Variants in PCK1 observed in about 807,000 individuals in gnomAD.
PCK1 encodes the protein phosphoenolpyruvate carboxykinase 1.
PCK1 carries 44 observed loss-of-function variants against 50.3 expected under a neutral mutation model. That is an observed-to-expected ratio of 0.87 (90% CI 0.69 to 1.12). PCK1 has a LOEUF of 1.12. Ranked by LOEUF, PCK1 falls within the 50% of genes most tolerant of loss-of-function variation. PCK1 has a pLI of 0.00. For synonymous variants in PCK1, 332 were observed against 314.3 expected (o/e 1.06, Z -0.59); for missense variants, 790 against 815.0 (o/e 0.97, Z 0.37).
chr20:57,565,036 A>C lies in PCK1; in HGVS notation c.1319-4A>C, dbSNP rs1341389596. The C allele has an allele frequency of 1.2e-6, 2 of 1,605,602 alleles. No homozygotes were observed. The highest frequency in any genetic ancestry group is 1.7e-6 in the Non-Finnish European group (2 of 1,174,112). On this transcript the variant is annotated splice_region_variant and splice_polypyrimidine_tract_variant and intron_variant, in intron 8 of 9. Transcript: ENST00000319441. ...AACATTTCTCTTTTTTTTTCCTGCT[A>C]AAGGTGTCCCTCTAGTCTATGAAGC...
At chr20:57,562,038 G>A (rs909762218) in intron 2 of PCK1, 33 bp from the exon 3 acceptor site, 14 of 1,602,624 alleles carry the variant, frequency 8.7e-6, no homozygotes, top group Non-Finnish European at 1.1e-5. Context: ...TGCCCGTGGT[G>A]CTTGGCTGAA....
At chr20:57,562,647 C>A in intron 3 of PCK1, 49 bp from the exon 4 acceptor site, 2 of 1,509,548 alleles carry the variant, frequency 1.3e-6, no homozygotes, top group South Asian at 1.1e-5. Flanking sequence ...TGGTCGTGTT[C>A]GAAGTCCAAG....
chr20:57,563,394 A>G, intron 5 of PCK1, 171 bp from the exon 6 acceptor site: 1 of 691,758 alleles, frequency 1.4e-6, no homozygotes, highest in Non-Finnish European at 2.4e-6. Flanking sequence ...AAGGCCCCCA[A>G]ACACCAGGGG....
intron 2 of PCK1, 81 bp from the exon 3 acceptor site, chr20:57,561,990 A>T: frequency 8.8e-7 from 1 of 1,134,882 alleles, no homozygotes; most frequent in Non-Finnish European, 1.3e-6. Context: ...GCACTCTGCT[A>T]GGCATGGAAA....
intron 6 of PCK1, 47 bp downstream of exon 6, chr20:57,563,774 A>G (rs1417101762): frequency 6.8e-7 from 1 of 1,478,196 alleles, no homozygotes; most frequent in Admixed American, 2.0e-5. Flanking sequence ...ACTCAAGCGA[A>G]TCGTTGGCCT....
rs778769969 is a variant in PCK1 at position 57,564,549 on chromosome 20, T to A, written c.1254T>A (p.Ala418=). 1.9e-6 allele frequency: 3 copies of A among 1,613,786 alleles called. No homozygotes were observed. The East Asian group carries it at 6.7e-5, about 36-fold the overall frequency. The part of the protein sequence containing the change: ...TPASQCPIID[A]AWESPEGVPI... The stretch of plus-strand genomic sequence containing the variant: ...CCAGCCAGTGCCCCATCATTGATGC[T>A]GCCTGGGAGTCTCCGGAAGGTGTTC... The change falls in exon 8 of 10, where the codon GCT becomes GCA. Residue 418 remains alanine (A), a synonymous_variant. Transcript: ENST00000319441.
Position 57,565,359 on chromosome 20 carries a change from T to A in PCK1, c.1424T>A (p.Ile475Asn). 1 of 1,613,578 alleles carries A rather than the reference T, an allele frequency of 6.2e-7. No individual in the cohort carries two copies. The highest frequency in any genetic ancestry group is 8.5e-7 in the Non-Finnish European group (1 of 1,179,506). Residue 475 changes from isoleucine to asparagine, a missense_variant, in exon 10 of 10, where the codon ATC (isoleucine) becomes AAC (asparagine). Coordinates refer to ENST00000319441, the MANE Select transcript of PCK1 (RefSeq NM_002591.4). ...TAAAEHKGKI[I>N]MHDPFAMRPF... is the part of the protein sequence containing the mutation. ...CCTCTCTGTTTAACAGGCAAAATCATCATGCATGACCCCTTTGCCATGCGG... is the reference window on the plus strand; with the variant it reads ...CCTCTCTGTTTAACAGGCAAAATCAACATGCATGACCCCTTTGCCATGCGG...
chr20:57,567,096 C>T lies in PCK1; in HGVS notation c.*1292C>T, dbSNP rs950727013. 10 of 152,152 alleles carry T rather than the reference C, an allele frequency of 6.6e-5. No homozygotes were observed. The highest frequency in any genetic ancestry group is 9.7e-5 in the African/African-American group (4 of 41,412). The allele number at this position is 152,152 out of a possible 1,614,324, so 9.4% of individuals were successfully genotyped here. A position where few individuals can be genotyped will look rare whatever the true frequency, so the allele number is the denominator to read the frequency against. Reference sequence around the variant, plus strand: ...ATTGGATATTCCAGAACAGTCCAAACGAACCATAAACTTTATATCACAGAT... The same window carrying T: ...ATTGGATATTCCAGAACAGTCCAAATGAACCATAAACTTTATATCACAGAT... On this transcript the variant is annotated 3_prime_UTR_variant, in exon 10 of 10. Coordinates refer to ENST00000319441, the MANE Select transcript of PCK1 (RefSeq NM_002591.4).
At position 57,566,025 on chromosome 20, in the gene PCK1, C is replaced by T. The variant is rs1298777662; in HGVS notation, c.*221C>T. ...TGAGAAGGGAAATCTTAGCATGCCT[C>T]CAAAAATTCACATCCAATGCATAGT... is the stretch of plus-strand genomic sequence containing the variant. On this transcript the variant is annotated 3_prime_UTR_variant, in exon 10 of 10. Coordinates refer to ENST00000319441, the MANE Select transcript of PCK1 (RefSeq NM_002591.4). The T allele has an allele frequency of 4.1e-6, 2 of 490,502 alleles. No individual in the cohort carries two copies. Among genetic ancestry groups the T allele is most frequent in the African/African-American group, 3.9e-5 (2 of 51,628 alleles). 30.4% of individuals were successfully genotyped at this position (490,502 alleles called of 1,614,324 possible).
chr20:57,568,077 G>A lies in PCK1; in HGVS notation c.*2273G>A, dbSNP rs941151310. 2.0e-5 allele frequency: 3 copies of A among 152,194 alleles called. No individual in the cohort carries two copies. Among genetic ancestry groups the A allele is most frequent in the African/African-American group, 7.2e-5 (3 of 41,428 alleles). The allele number at this position is 152,194 out of a possible 1,614,324, so 9.4% of individuals were successfully genotyped here. ...CTCCAAATCCTGATTTTTGTGCGCG[G>A]ACCCCTGTCTACAATAAACAGGATC... is the stretch of plus-strand genomic sequence containing the variant. On this transcript the variant is annotated 3_prime_UTR_variant, in exon 10 of 10. Coordinates refer to ENST00000319441, the MANE Select transcript of PCK1 (RefSeq NM_002591.4).
Position 57,564,299 on chromosome 20 carries a change from C to T in PCK1, c.1092C>T (p.Ser364=), listed in dbSNP as rs185439146. 17 of 1,613,884 alleles carry T rather than the reference C, an allele frequency of 1.1e-5. No homozygotes were observed. Among genetic ancestry groups the T allele is most frequent in the Admixed American group, 5.0e-5 (3 of 60,000 alleles). The stretch of plus-strand genomic sequence containing the variant: ...TCTTTACCAATGTGGCCGAGACCAG[C>T]GACGGGGGCGTTTACTGGGAAGGCA... The part of the protein sequence containing the change: ...NTIFTNVAET[S]DGGVYWEGID... The change falls in exon 7 of 10, where the codon AGC becomes AGT. Residue 364 remains serine, a synonymous_variant. Coordinates refer to ENST00000319441, the MANE Select transcript of PCK1 (RefSeq NM_002591.4).
In PCK1 at chr20:57,565,126, G is replaced by A; in HGVS notation, c.1405G>A (p.Glu469Lys). 6.2e-7 allele frequency: 1 copy of A among 1,613,262 alleles called. No homozygotes were observed. Among genetic ancestry groups the A allele is most frequent in the Non-Finnish European group, 8.5e-7 (1 of 1,179,280 alleles). ...AMRSEATAAA[E>K]HKGKIIMHDP... Reference sequence around the variant, plus strand: ...GAGATCAGAGGCCACAGCGGCTGCAGAACATAAAGGTAAATCAAAGTCCTG... The same window carrying A: ...GAGATCAGAGGCCACAGCGGCTGCAAAACATAAAGGTAAATCAAAGTCCTG... The change falls in exon 9 of 10, where the codon GAA (glutamate) becomes AAA (lysine). Residue 469 changes from glutamate (E) to lysine (K), a missense_variant. Transcript: ENST00000319441.
In PCK1 at chr20:57,564,198, G is replaced by A. The variant is rs1396000578; in HGVS notation, c.991G>A (p.Gly331Ser). 2.5e-6 allele frequency: 4 copies of A among 1,613,914 alleles called. No individual in the cohort carries two copies. The highest frequency in any genetic ancestry group is 3.4e-6 in the Non-Finnish European group (4 of 1,179,844). Residue 331 changes from glycine (G) to serine (S), a missense_variant, in exon 7 of 10, where the codon GGC (glycine) becomes AGC (serine). Transcript: ENST00000319441. ...TTTAAGGGCCATCAACCCAGAAAATGGCTTTTTCGGTGTCGCTCCTGGGAC... is the reference window on the plus strand; with the variant it reads ...TTTAAGGGCCATCAACCCAGAAAATAGCTTTTTCGGTGTCGCTCCTGGGAC... ...GHLRAINPEN[G>S]FFGVAPGTSV...
At chr20:57,562,999 A>G in intron 4 of PCK1, 29 bp from the exon 5 acceptor site, 1 of 1,600,802 alleles carries the variant, frequency 6.2e-7, no homozygotes. Context: ...GCCCTGGCGC[A>G]CTGACTTGGG....
At chr20:57,561,671 G>A (rs755188646) in intron 2 of PCK1, 36 bp downstream of exon 2, 4 of 1,406,920 alleles carry the variant, frequency 2.8e-6, no homozygotes, top group African/African-American at 2.8e-5. Context: ...CCAGCACCCT[G>A]CAGGCAGGGC....
chr20:57,563,221 C>A lies in PCK1; in HGVS notation c.798+6C>A, dbSNP rs773909127. 1 of 1,612,584 alleles carries A rather than the reference C, an allele frequency of 6.2e-7. No homozygotes were observed. On this transcript the variant is annotated splice_donor_region_variant and intron_variant, in intron 5 of 9. Coordinates refer to ENST00000319441, the MANE Select transcript of PCK1 (RefSeq NM_002591.4). Reference sequence around the variant, plus strand: ...GGCTGGCAGAGCACATGCTGGTGAGCCTGCAGGAAGCCCTGATGTGCAGAT... The same window carrying A: ...GGCTGGCAGAGCACATGCTGGTGAGACTGCAGGAAGCCCTGATGTGCAGAT...
chr20:57,561,726 C>T (rs2146526416), intron 2 of PCK1, 91 bp downstream of exon 2: 1 of 851,098 alleles, frequency 1.2e-6, no homozygotes, highest in East Asian at 2.4e-5. Context: ...TGAATGAAGG[C>T]CTTCGGGTAG....
At chr20:57,564,802 C>T (rs1027583447) in intron 8 of PCK1, 189 bp downstream of exon 8, 3 of 633,826 alleles carry the variant, frequency 4.7e-6, no homozygotes, top group Non-Finnish European at 8.2e-6. Context: ...TCACCTGGAA[C>T]CTTTCTGAAT....
Position 57,563,227 on chromosome 20 carries a change from G to A in PCK1, c.798+12G>A. 6.2e-7 allele frequency: 1 copy of A among 1,612,356 alleles called. No homozygotes were observed. Among genetic ancestry groups the A allele is most frequent in the Non-Finnish European group, 8.5e-7 (1 of 1,179,504 alleles). ...CAGAGCACATGCTGGTGAGCCTGCAGGAAGCCCTGATGTGCAGATGAGAGG... is the reference window on the plus strand; with the variant it reads ...CAGAGCACATGCTGGTGAGCCTGCAAGAAGCCCTGATGTGCAGATGAGAGG... On this transcript the variant is annotated intron_variant, in intron 5 of 9. Transcript: ENST00000319441.
Sources: gnomAD v4.1 joint callset for allele counts on GRCh38, gnomAD v4.1.1 for gene constraint, MANE v1.5 for transcripts, NCBI Gene and HGNC (gene_info 2026-07-23, HGNC 2026-07-21) for gene names.